TWF1: variants seen among roughly 807,000 people sequenced by gnomAD.
TWF1 encodes the protein twinfilin-1.
In TWF1, 14 loss-of-function variants were observed where a neutral mutation model predicts 47.9. The ratio of observed to expected loss-of-function variants is 0.29; its 90% CI spans 0.19 to 0.46. TWF1 has a LOEUF of 0.46. Ranked by LOEUF, TWF1 falls within the 20% of genes least tolerant of loss-of-function variation. TWF1 has a pLI of 1.00. For synonymous variants in TWF1, 96 were observed against 139.2 expected (o/e 0.69, Z 2.18); for missense variants, 281 against 409.3 (o/e 0.69, Z 2.70).
chr12:43,794,244 A>G lies in TWF1; in HGVS notation c.*1341T>C, dbSNP rs1942511592. The G allele has an allele frequency of 6.5e-6, 1 of 152,682 alleles. No individual in the cohort carries two copies. The highest frequency in any genetic ancestry group is 1.5e-5 in the Non-Finnish European group (1 of 68,040). The allele number at this position is 152,682 out of a possible 1,614,324, so 9.5% of individuals were successfully genotyped here. A position where few individuals can be genotyped will look rare whatever the true frequency, so the allele number is the denominator to read the frequency against. ...GTTATTTTGCATGTTTAAATATTAT[A>G]GTCTGATTATTTGTAAACAAACAAA... On this transcript the variant is annotated 3_prime_UTR_variant, in exon 9 of 9. Coordinates refer to ENST00000395510, the MANE Select transcript of TWF1 (RefSeq NM_002822.5).
At chr12:43,797,265 A>T in intron 7 of TWF1, 37 bp downstream of exon 7, 1 of 1,544,364 alleles carries the variant, frequency 6.5e-7, no homozygotes, top group African/African-American at 1.4e-5. Flanking sequence ...CAATAAACAA[A>T]CTGAAAGTAA....
intron 4 of TWF1, among the ~76,000 whole-genome samples, chr12:43,800,093 T>TGAC (rs1942631623): frequency 6.6e-6 from 1 of 152,120 alleles, no homozygotes; most frequent in Admixed American, 6.5e-5. Flanking sequence ...CTAGATTATA[T>TGAC]GACTTTCTGA....
At chr12:43,805,983 C>T (rs1942758023) in intron 1 of TWF1, 3 of 1,541,064 alleles carry the variant, frequency 1.9e-6, no homozygotes, top group Admixed American at 1.8e-5. Flanking sequence ...TTCCTTCGCT[C>T]CCCCGAATTT....
chr12:43,804,539 G>C lies in TWF1; in HGVS notation c.59C>G (p.Ala20Gly). The C allele has an allele frequency of 6.2e-7, 1 of 1,602,602 alleles. No individual in the cohort carries two copies. The change falls in exon 2 of 9, where the codon GCC (alanine) becomes GGC (glycine). Residue 20 changes from alanine (A) to glycine (G), a missense_variant. Physicochemically the swap from Ala to Gly is moderately conservative, Grantham distance 60. Coordinates refer to ENST00000395510, the MANE Select transcript of TWF1 (RefSeq NM_002822.5). ...SEDVKEIFAR[A>G]RNGKYRLLKI... ...CAGAAGTCTGTACTTTCCATTTCTGGCTCTGGCAAAGATCTCTTTAACATC... is the reference window on the plus strand; with the variant it reads ...CAGAAGTCTGTACTTTCCATTTCTGCCTCTGGCAAAGATCTCTTTAACATC...
intron 7 of TWF1, 55 bp from the exon 8 acceptor site, chr12:43,797,152 A>G: frequency 6.6e-7 from 1 of 1,515,506 alleles, no homozygotes; most frequent in Admixed American, 2.1e-5. Context: ...TAAACTTCAT[A>G]AAACTACATA....
At position 43,797,338 on chromosome 12, in the gene TWF1, T is replaced by C; in HGVS notation, c.724A>G (p.Lys242Glu). ...AAATAGTCTCCTTCATGGGAATGTT[T>C]ATACAGAAAGAAATGGTAACGAGCT... ...DSARYHFFLYKHSHEGDYLES... is the reference protein window; with the variant it reads ...DSARYHFFLYEHSHEGDYLES... The change falls in exon 7 of 9, where the codon AAA becomes GAA. Residue 242 changes from lysine to glutamate, a missense_variant. Lys to Glu is a moderately conservative substitution (Grantham distance 56). Coordinates refer to ENST00000395510, the MANE Select transcript of TWF1 (RefSeq NM_002822.5). 1.2e-6 allele frequency: 2 copies of C among 1,603,720 alleles called. No individual in the cohort carries two copies. Among genetic ancestry groups the C allele is most frequent in the Non-Finnish European group, 8.5e-7 (1 of 1,176,154 alleles).
chr12:43,804,157 T>A (rs1246981042), intron 2 of TWF1: 2 of 384,926 alleles, frequency 5.2e-6, no homozygotes, highest in Admixed American at 6.4e-5. Context: ...AGTAACTATT[T>A]TTTTTTTTTG....
chr12:43,803,760 T>C (rs1020328087), intron 2 of TWF1, among the ~76,000 whole-genome samples: 4 of 152,148 alleles, frequency 2.6e-5, no homozygotes, highest in African/African-American at 9.6e-5. Context: ...TGGTATTTTT[T>C]ATATAAGCAG....
At chr12:43,805,592 C>A in intron 1 of TWF1, 1 of 470,546 alleles carries the variant, frequency 2.1e-6, no homozygotes, top group Non-Finnish European at 4.2e-6. Context: ...GAACTGTCTG[C>A]ACGCATTACA....
At chr12:43,799,702 T>C (rs144210061) in intron 4 of TWF1, among the ~76,000 whole-genome samples, 200 bp from the exon 5 acceptor site, 1 of 152,206 alleles carries the variant, frequency 6.6e-6, no homozygotes, top group East Asian at 1.9e-4. Flanking sequence ...CCACTGTTCA[T>C]TTTATATGAA....
intron 1 of TWF1, 59 bp from the exon 2 acceptor site, chr12:43,804,631 C>A: frequency 4.2e-6 from 5 of 1,192,078 alleles, no homozygotes; most frequent in Non-Finnish European, 6.0e-6. Flanking sequence ...ACTTTCCTAT[C>A]TATATTGGAA....
chr12:43,803,960 A>G (rs1942708442), intron 2 of TWF1, among the ~76,000 whole-genome samples: 1 of 152,092 alleles, frequency 6.6e-6, no homozygotes, highest in African/African-American at 2.4e-5. Flanking sequence ...CTCCCACTCA[A>G]CCAGATTCCC....
rs1285047182 is a variant in TWF1 at position 43,793,820 on chromosome 12, T to A, written c.*1765A>T. The A allele has an allele frequency of 2.6e-5, 4 of 152,682 alleles. No individual in the cohort carries two copies. The highest frequency in any genetic ancestry group is 9.6e-5 in the African/African-American group (4 of 41,464). 9.5% of individuals were successfully genotyped at this position (152,682 alleles called of 1,614,324 possible). A position where few individuals can be genotyped will look rare whatever the true frequency, so the allele number is the denominator to read the frequency against. Reference sequence around the variant, plus strand: ...CACTGCTATATAAATTTACTGGGAATATGTTATTCACCATCTAGGTATGAT... The same window carrying A: ...CACTGCTATATAAATTTACTGGGAAAATGTTATTCACCATCTAGGTATGAT... On this transcript the variant is annotated 3_prime_UTR_variant, in exon 9 of 9. Transcript: ENST00000395510.
chr12:43,800,532 T>TA lies in TWF1; in HGVS notation c.283-3dup, dbSNP rs1415053340. ...TGCATACAACATTTTTTGACGAACC[T>TA]ATTCAGTTGTGAAAGTTTACTTAGT... On this transcript the variant is annotated splice_polypyrimidine_tract_variant and splice_region_variant and intron_variant, in intron 3 of 8. Transcript: ENST00000395510. 2 of 1,611,052 alleles carry TA rather than the reference T, an allele frequency of 1.2e-6. No homozygotes were observed. Among genetic ancestry groups the TA allele is most frequent in the Admixed American group, 1.7e-5 (1 of 59,832 alleles).
In TWF1 at chr12:43,806,311, G is replaced by A. The variant is rs1244671067; in HGVS notation, c.-66C>T. On this transcript the variant is annotated 5_prime_UTR_variant, in exon 1 of 9. Transcript: ENST00000395510. ...CCAGCGGCCCCGGCCGGCGGCCCCAGGAAGTGGCTGCTCCTCCGCCGGCCC... is the reference window on the plus strand; with the variant it reads ...CCAGCGGCCCCGGCCGGCGGCCCCAAGAAGTGGCTGCTCCTCCGCCGGCCC... 11 of 1,412,826 alleles carry A rather than the reference G, an allele frequency of 7.8e-6. No individual in the cohort carries two copies. The highest frequency in any genetic ancestry group is 1.5e-5 in the South Asian group (1 of 67,210). 87.5% of individuals were successfully genotyped at this position (1,412,826 alleles called of 1,614,324 possible).
At chr12:43,802,170 T>A in intron 3 of TWF1, 116 bp downstream of exon 3, 1 of 625,432 alleles carries the variant, frequency 1.6e-6, no homozygotes, top group Non-Finnish European at 2.5e-6. Flanking sequence ...ATTTTCCTCA[T>A]GATCATTCCC....
At chr12:43,805,577 A>G (rs1425073762) in intron 1 of TWF1, 1 of 463,818 alleles carries the variant, frequency 2.2e-6, no homozygotes, top group Non-Finnish European at 4.3e-6. Context: ...ATATAACTGC[A>G]TATTGAACTG....
Position 43,797,431 on chromosome 12 carries a change from T to C in TWF1, c.631A>G (p.Ile211Val). The C allele has an allele frequency of 1.3e-6, 2 of 1,594,732 alleles. No individual in the cohort carries two copies. Among genetic ancestry groups the C allele is most frequent in the Non-Finnish European group, 1.7e-6 (2 of 1,170,380 alleles). Residue 211 changes from isoleucine to valine, a missense_variant, in exon 7 of 9, where the codon ATT (isoleucine) becomes GTT (valine). Transcript: ENST00000395510. ...TTTGTTGTGTTGGCCAAAATTATAA[T>C]TTCATTTTTTATATCTATTTCCTGC... ...VQLEIDIKNE[I>V]IILANTTNTE... is the part of the protein sequence containing the mutation.
chr12:43,800,715 T>C (rs1461236277), intron 3 of TWF1, among the ~76,000 whole-genome samples, 185 bp from the exon 4 acceptor site: 3 of 152,144 alleles, frequency 2.0e-5, no homozygotes, highest in African/African-American at 7.2e-5. Context: ...ATCTAAACTA[T>C]CAATGGTTAG....
Sources: gnomAD v4.1 joint callset for allele counts (sites outside exome capture counted in the v4.1 genomes callset) on GRCh38, gnomAD v4.1.1 for gene constraint, MANE v1.5 for transcripts, NCBI Gene and HGNC (gene_info 2026-07-23, HGNC 2026-07-21) for gene names.